Variants in PLCL1 observed in about 807,000 individuals in gnomAD.
PLCL1 encodes inactive phospholipase C-like protein 1.
In PLCL1, 41 loss-of-function variants were observed where a neutral mutation model predicts 84.4. The ratio of observed to expected loss-of-function variants is 0.49; its 90% CI spans 0.38 to 0.63. PLCL1 has a LOEUF of 0.63. Among genes scored for constraint, PLCL1 ranks in the 30% least tolerant of loss-of-function variants. PLCL1 has a pLI of 0.00. For synonymous variants in PLCL1, 490 were observed against 488.3 expected (o/e 1.00, Z -0.05); for missense variants, 1,206 against 1,367.8 (o/e 0.88, Z 1.87).
At chr2:198,099,463 G>T (rs1014774484) in intron 3 of PLCL1, among the ~76,000 whole-genome samples, 1 of 151,998 alleles carries the variant, frequency 6.6e-6, no homozygotes, top group Non-Finnish European at 1.5e-5. Context: ...GCTGACTGCA[G>T]AAAATAGAAT....
intron 5 of PLCL1, among the ~76,000 whole-genome samples, chr2:198,134,861 A>G (rs1214984585): frequency 1.3e-5 from 2 of 152,108 alleles, no homozygotes; most frequent in Non-Finnish European, 2.9e-5. Flanking sequence ...CATTTTTGTG[A>G]TCAGTTCACT....
At position 198,084,340 on chromosome 2, in the gene PLCL1, C is replaced by G. The variant is rs866121231; in HGVS notation, c.823C>G (p.Leu275Val). ...GTTAATAAAACAACTCAACCCTACT[C>G]TGAAGGAAGCCAAGATCAGGTTAAA... ...VELIKQLNPT[L>V]KEAKIRLKFK... The change falls in exon 2 of 6, where the codon CTG becomes GTG. Residue 275 changes from leucine (L) to valine (V), a missense_variant. Coordinates refer to ENST00000428675, the MANE Select transcript of PLCL1 (RefSeq NM_006226.4). The G allele has an allele frequency of 6.2e-7, 1 of 1,614,020 alleles. No homozygotes were observed. Among genetic ancestry groups the G allele is most frequent in the Non-Finnish European group, 8.5e-7 (1 of 1,179,906 alleles).
At chr2:198,059,142 A>G (rs1692131989) in intron 1 of PLCL1, among the ~76,000 whole-genome samples, 1 of 152,090 alleles carries the variant, frequency 6.6e-6, no homozygotes, top group Non-Finnish European at 1.5e-5. Context: ...ACTCTCCTGT[A>G]TTCTTGTGTG....
At chr2:198,095,221 ATTC>A (rs1292425850) in intron 3 of PLCL1, among the ~76,000 whole-genome samples, 8 of 152,042 alleles carry the variant, frequency 5.3e-5, no homozygotes, top group African/African-American at 1.4e-4. Context: ...TTTTACTGCG[ATTC>A]TTCTTCTTTT....
intron 1 of PLCL1, among the ~76,000 whole-genome samples, chr2:197,851,302 G>A (rs1687231544): frequency 6.6e-6 from 1 of 152,174 alleles, no homozygotes; most frequent in Admixed American, 6.5e-5. Context: ...GACTTTGGGA[G>A]CAGTTCTACA....
rs752142156 is a variant in PLCL1 at position 197,835,147 on chromosome 2, G to A, written c.240+29808G>A. 9.9e-4 allele frequency among the ~76,000 whole-genome samples: 151 copies of A among 152,254 alleles called. 1 individual carries two copies. In the Middle Eastern group the frequency reaches 0.014, roughly 14 times the overall value. ...GGGAACATCACACAATGGTATGTCA[G>A]GGGTGGGAGCCTAGGAGAGGGATAG... On this transcript the variant is annotated intron_variant, in intron 1 of 5. Transcript: ENST00000428675.
chr2:197,945,829 C>A (rs1443251348), intron 1 of PLCL1, among the ~76,000 whole-genome samples: 1 of 152,004 alleles, frequency 6.6e-6, no homozygotes, highest in Non-Finnish European at 1.5e-5. Context: ...AAGTGATGAC[C>A]AAATTGGCAT....
Position 198,145,897 on chromosome 2 carries a change from C to T in PLCL1, c.3106-883C>T, listed in dbSNP as rs923793346. Among the ~76,000 whole-genome samples, 5 of 152,276 alleles carry T rather than the reference C, an allele frequency of 3.3e-5. No individual in the cohort carries two copies. In the East Asian group the frequency reaches 7.7e-4, roughly 24 times the overall value. On this transcript the variant is annotated intron_variant, in intron 5 of 5. Transcript: ENST00000428675. ...CCCATATTGTCCTTTCAAGGTCACA[C>T]TTTCAGGCACTGCCATGAGAATGGA...
intron 1 of PLCL1, among the ~76,000 whole-genome samples, chr2:197,893,938 A>G (rs1019302685): frequency 2.0e-5 from 3 of 151,550 alleles, no homozygotes; most frequent in Non-Finnish European, 4.4e-5. Context: ...GCATATGTTG[A>G]CTTTCGTTCT....
At chr2:198,134,490 G>C (rs1426268634) in intron 5 of PLCL1, among the ~76,000 whole-genome samples, 1 of 152,078 alleles carries the variant, frequency 6.6e-6, no homozygotes, top group African/African-American at 2.4e-5. Context: ...GAAATATCTT[G>C]CTAATAACTC....
At chr2:198,122,605 A>C (rs145014794) in intron 5 of PLCL1, among the ~76,000 whole-genome samples, 2 of 152,100 alleles carry the variant, frequency 1.3e-5, no homozygotes, top group East Asian at 1.9e-4. Context: ...TGAGATCATC[A>C]TTATTTCTAT....
At chr2:197,854,691 T>C (rs552282191) in intron 1 of PLCL1, among the ~76,000 whole-genome samples, 2 of 152,280 alleles carry the variant, frequency 1.3e-5, no homozygotes, top group South Asian at 4.2e-4. Flanking sequence ...TGTTGAAGTG[T>C]AATGAGGTAA....
intron 5 of PLCL1, among the ~76,000 whole-genome samples, chr2:198,128,816 C>T (rs1470558954): frequency 1.3e-5 from 2 of 152,086 alleles, no homozygotes; most frequent in African/African-American, 4.8e-5. Flanking sequence ...TTAGTTCAGC[C>T]TATGCCCAGC....
chr2:197,910,044 G>A (rs1423866259), intron 1 of PLCL1, among the ~76,000 whole-genome samples: 1 of 152,156 alleles, frequency 6.6e-6, no homozygotes, highest in Admixed American at 6.5e-5. Flanking sequence ...TGCTTATTTG[G>A]ACTTGCTTTC....
At chr2:198,010,798 G>T (rs959033816) in intron 1 of PLCL1, among the ~76,000 whole-genome samples, 4 of 150,130 alleles carry the variant, frequency 2.7e-5, no homozygotes, top group African/African-American at 4.9e-5. Context: ...CTTTTGGAAG[G>T]TTATTTTTTT....
At chr2:197,985,332 T>G (rs1056943172) in intron 1 of PLCL1, among the ~76,000 whole-genome samples, 1 of 152,198 alleles carries the variant, frequency 6.6e-6, no homozygotes, top group Admixed American at 6.5e-5. Flanking sequence ...TATTGCAGTG[T>G]TTTGTTAATT....
chr2:198,010,505 A>C (rs1480552326), intron 1 of PLCL1, among the ~76,000 whole-genome samples: 1 of 151,964 alleles, frequency 6.6e-6, no homozygotes, highest in African/African-American at 2.4e-5. Flanking sequence ...CATTTCATTT[A>C]TAAATCCCTC....
chr2:198,070,366 C>T (rs906299771), intron 1 of PLCL1, among the ~76,000 whole-genome samples: 2 of 152,052 alleles, frequency 1.3e-5, no homozygotes, highest in African/African-American at 2.4e-5. Flanking sequence ...CTTACATCTA[C>T]TCTCAAACCT....
At position 197,931,391 on chromosome 2, in the gene PLCL1, A is replaced by G. The variant is rs571995132; in HGVS notation, c.240+126052A>G. Among the ~76,000 whole-genome samples, 18 of 152,268 alleles carry G rather than the reference A, an allele frequency of 1.2e-4. No individual in the cohort carries two copies. The South Asian group carries it at 3.7e-3, about 32-fold the overall frequency. ...AGGATAAAGTCATTGATAGAACTAT[A>G]ATTACAAGGAGGCTCAGCTGTTGCT... On this transcript the variant is annotated intron_variant, in intron 1 of 5. Transcript: ENST00000428675.
Sources: allele counts gnomAD v4.1 joint callset (sites outside exome capture counted in the v4.1 genomes callset), GRCh38; gene constraint gnomAD v4.1.1; transcripts MANE v1.5; gene names NCBI Gene and HGNC (gene_info 2026-07-23, HGNC 2026-07-21).